Variants in CLECL1 observed in about 807,000 individuals in gnomAD.
CLECL1 encodes the protein C-type lectin-like domain family 1.
At chr12:9,721,779 T>C (rs1375250625), downstream of CLECL1, among the ~76,000 whole-genome samples, 1 of 152,234 alleles carries the variant, frequency 6.6e-6, no homozygotes, top group East Asian at 1.9e-4. Flanking sequence ...AGGTCTCTTA[T>C]CAATTCCTAA....
intron 2 of CLECL1, among the ~76,000 whole-genome samples, chr12:9,717,162 G>T (rs34277830): frequency 0.013 from 2,048 of 152,314 alleles, 29 homozygotes; most frequent in Non-Finnish European, 0.022. Context: ...TGTAATCCTA[G>T]CGCTTTGGGA....
chr12:9,711,294 T>G (rs1187414871), downstream of CLECL1, among the ~76,000 whole-genome samples: 1 of 152,188 alleles, frequency 6.6e-6, no homozygotes, highest in Non-Finnish European at 1.5e-5. Flanking sequence ...AAACAATGGG[T>G]AATTTTCTGG....
At chr12:9,726,641 A>T (rs1384106008) in intron 3 of CLECL1, among the ~76,000 whole-genome samples, 5 of 151,970 alleles carry the variant, frequency 3.3e-5, no homozygotes, top group African/African-American at 1.2e-4. Context: ...AGATAAACTC[A>T]TTTAGATTTG....
the CLECL1 span, among the ~76,000 whole-genome samples, chr12:9,706,101 G>A: frequency 6.6e-6 from 1 of 152,114 alleles, no homozygotes; most frequent in Non-Finnish European, 1.5e-5. Context: ...TTTCTTGTTA[G>A]CTGTATTCCT....
downstream of CLECL1, among the ~76,000 whole-genome samples, chr12:9,712,612 C>G (rs182427586): frequency 1.1e-3 from 164 of 152,200 alleles, no homozygotes; most frequent in Admixed American, 3.2e-3. Flanking sequence ...GAGTGGCCAC[C>G]TTGCCTTTTT....
chr12:9,712,844 AC>A (rs1283730509), downstream of CLECL1, among the ~76,000 whole-genome samples: 7 of 152,146 alleles, frequency 4.6e-5, no homozygotes, highest in Non-Finnish European at 7.4e-5. Context: ...TATTAATAAA[AC>A]CCAGAATCAG....
At chr12:9,708,257 C>T in the CLECL1 span, among the ~76,000 whole-genome samples, 1 of 152,186 alleles carries the variant, frequency 6.6e-6, no homozygotes, top group Non-Finnish European at 1.5e-5. Context: ...TGGTTCTTCC[C>T]TCAGAATCTC....
intron 2 of CLECL1, among the ~76,000 whole-genome samples, chr12:9,728,279 A>T (rs1254324909): frequency 6.6e-6 from 1 of 151,858 alleles, no homozygotes; most frequent in Non-Finnish European, 1.5e-5. Flanking sequence ...ACACATCTGA[A>T]AGTAATAAAA....
At chr12:9,711,557 A>C (rs1866201206), downstream of CLECL1, among the ~76,000 whole-genome samples, 1 of 152,014 alleles carries the variant, frequency 6.6e-6, no homozygotes, top group Admixed American at 6.5e-5. Context: ...GTACTCAACT[A>C]TCAGTAGAAT....
downstream of CLECL1, among the ~76,000 whole-genome samples, chr12:9,722,233 TACTA>T (rs1022374408): frequency 2.0e-5 from 3 of 152,236 alleles, no homozygotes; most frequent in African/African-American, 7.2e-5. Context: ...CCTCTGGAAA[TACTA>T]AATCTAAGTA....
downstream of CLECL1, among the ~76,000 whole-genome samples, chr12:9,713,990 G>T (rs886372972): frequency 6.6e-6 from 1 of 152,126 alleles, no homozygotes; most frequent in Non-Finnish European, 1.5e-5. Flanking sequence ...TAATTAGTAA[G>T]GTTAAATTTC....
chr12:9,704,586 C>T, the CLECL1 span, among the ~76,000 whole-genome samples: 12 of 151,992 alleles, frequency 7.9e-5, no homozygotes, highest in Admixed American at 7.2e-4. Flanking sequence ...GGTAGGCCCC[C>T]GTTTTTGTTA....
At chr12:9,718,201 T>C (rs1042101754), downstream of CLECL1, among the ~76,000 whole-genome samples, 2 of 151,978 alleles carry the variant, frequency 1.3e-5, no homozygotes, top group African/African-American at 4.8e-5. Context: ...TTTTCCACAT[T>C]TGTAAATATT....
upstream of CLECL1, chr12:9,733,228 C>T (rs773102642): frequency 1.7e-5 from 28 of 1,612,442 alleles, no homozygotes; most frequent in Middle Eastern, 1.6e-4. Flanking sequence ...GCAGATTTCT[C>T]GAATACTTGT....
intron 2 of CLECL1, among the ~76,000 whole-genome samples, chr12:9,729,238 A>C (rs553408380): frequency 6.6e-6 from 1 of 152,144 alleles, no homozygotes; most frequent in Non-Finnish European, 1.5e-5. Context: ...AAGCATACAC[A>C]GAAACACAAG....
downstream of CLECL1, among the ~76,000 whole-genome samples, chr12:9,720,112 G>C (rs1866290977): frequency 6.6e-6 from 1 of 152,070 alleles, no homozygotes. Flanking sequence ...TCAGGTCTCT[G>C]CCCCTACCCT....
chr12:9,717,818 G>GT (rs1403693380), downstream of CLECL1, among the ~76,000 whole-genome samples: 2 of 151,846 alleles, frequency 1.3e-5, no homozygotes, highest in African/African-American at 4.8e-5. Flanking sequence ...ATTGAATAGT[G>GT]TAAGTCTTCC....
chr12:9,722,888 T>G, intron 3 of CLECL1, 75 bp from the exon 2 acceptor site: 2 of 1,106,172 alleles, frequency 1.8e-6, no homozygotes, highest in Non-Finnish European at 2.5e-6. Flanking sequence ...TTGAAGGGTC[T>G]CAAATTTGGT....
chr12:9,702,933 A>G, the CLECL1 span, among the ~76,000 whole-genome samples: 2 of 152,206 alleles, frequency 1.3e-5, no homozygotes, highest in South Asian at 4.1e-4. Flanking sequence ...AAATCAGTGA[A>G]GGTGTATCTG....
Sources: allele counts gnomAD v4.1 joint callset (sites outside exome capture counted in the v4.1 genomes callset), GRCh38; gene constraint gnomAD v4.1.1; transcripts MANE v1.5; gene names NCBI Gene and HGNC (gene_info 2026-07-23, HGNC 2026-07-21).